Variants in PRKN observed in about 807,000 individuals in gnomAD.
PRKN encodes the protein E3 ubiquitin-protein ligase parkin.
A neutral mutation model predicts 59.5 loss-of-function variants in PRKN; 56 were observed. The observed-to-expected ratio is 0.94, with a 90% confidence interval of 0.76 to 1.18. PRKN has a LOEUF of 1.18. PRKN is among the 50% of genes most tolerant of loss of function. The pLI, the probability that PRKN is intolerant of heterozygous loss-of-function variation, is 0.00. For missense variants in PRKN, 657 were observed against 596.4 expected (o/e 1.10, Z -1.06); for synonymous variants, 250 against 222.1 (o/e 1.13, Z -1.12).
chr6:162,236,356 C>T (rs975101495), intron 3 of PRKN, among the ~76,000 whole-genome samples: 6 of 152,168 alleles, frequency 3.9e-5, no homozygotes, highest in Non-Finnish European at 7.3e-5. Flanking sequence ...CTGACCTCAA[C>T]CCCAGCCAGC....
At chr6:161,439,887 A>G (rs1411545439) in intron 9 of PRKN, among the ~76,000 whole-genome samples, 2 of 152,120 alleles carry the variant, frequency 1.3e-5, no homozygotes, top group Non-Finnish European at 2.9e-5. Flanking sequence ...AGGTCGTCCC[A>G]GTAGAGCTGA....
At position 162,579,092 on chromosome 6, in the gene PRKN, G is replaced by A. The variant is rs113722061; in HGVS notation, c.8-135619C>T. The stretch of plus-strand genomic sequence containing the variant: ...AATCTTATGTTACATATTCTTCTTT[G>A]ACATAGCAAATGAATGTTGAGCCTT... On this transcript the variant is annotated intron_variant, in intron 1 of 11. Transcript: ENST00000366898. Among the ~76,000 whole-genome samples, 265 of 146,006 alleles carry A rather than the reference G, an allele frequency of 1.8e-3. 1 individual carries two copies. The highest frequency in any genetic ancestry group is 2.2e-3 in the Non-Finnish European group (152 of 67,906).
chr6:162,311,481 C>CTTTTTTT (rs397886856), intron 2 of PRKN, among the ~76,000 whole-genome samples: 1 of 128,536 alleles, frequency 7.8e-6, no homozygotes, highest in East Asian at 2.4e-4. Flanking sequence ...AATTTTTTTC[C>CTTTTTTT]TTTTTTTTTT....
chr6:161,387,018 G>T (rs996990326), intron 9 of PRKN, 141 bp from the exon 10 acceptor site: 5 of 736,018 alleles, frequency 6.8e-6, no homozygotes, highest in Non-Finnish European at 1.2e-5. Flanking sequence ...TTTGCAAAGA[G>T]AAATCAAGTT....
chr6:161,368,278 T>A (rs1036222501), intron 10 of PRKN, among the ~76,000 whole-genome samples: 1 of 143,432 alleles, frequency 7.0e-6, no homozygotes, highest in Admixed American at 7.0e-5. Flanking sequence ...TTTATATATA[T>A]GTATATATTT....
Position 161,946,414 on chromosome 6 carries a change from A to ACACACACACACACTCT in PRKN, c.734+26887_734+26888insAGAGTGTGTGTGTGTG, listed in dbSNP as rs1247187053. 2.3e-3 allele frequency among the ~76,000 whole-genome samples: 263 copies of ACACACACACACACTCT among 114,422 alleles called. 2 individuals are homozygous for ACACACACACACACTCT. The highest frequency in any genetic ancestry group is 4.8e-3 in the East Asian group (18 of 3,720). The allele number at this position is 114,422 out of a possible 152,430, so 75.1% of individuals were successfully genotyped here. A position where few individuals can be genotyped will look rare whatever the true frequency, so the allele number is the denominator to read the frequency against. On this transcript the variant is annotated intron_variant, in intron 6 of 11. Coordinates refer to ENST00000366898, the MANE Select transcript of PRKN (RefSeq NM_004562.3). ...CACACACACACACACACACACACAC[A>ACACACACACACACTCT]CTCTCTCTCTCTCTCTCTCTCTCTC...
At chr6:161,365,478 A>C (rs1474810197) in intron 10 of PRKN, among the ~76,000 whole-genome samples, 1 of 152,230 alleles carries the variant, frequency 6.6e-6, no homozygotes, top group African/African-American at 2.4e-5. Context: ...GCCCAAGAGA[A>C]AGATTCAGAG....
At chr6:161,534,846 G>T (rs1779354255) in intron 9 of PRKN, among the ~76,000 whole-genome samples, 1 of 152,128 alleles carries the variant, frequency 6.6e-6, no homozygotes, top group Admixed American at 6.5e-5. Context: ...TTCCCCCTTG[G>T]TGCATGTTTC....
At chr6:162,333,134 C>A (rs1217973806) in intron 2 of PRKN, among the ~76,000 whole-genome samples, 1 of 152,010 alleles carries the variant, frequency 6.6e-6, no homozygotes, top group Non-Finnish European at 1.5e-5. Context: ...GAGAAAGAGA[C>A]CCATATATTC....
At chr6:162,410,718 C>G (rs898807879) in intron 2 of PRKN, among the ~76,000 whole-genome samples, 3 of 152,170 alleles carry the variant, frequency 2.0e-5, no homozygotes. Context: ...CACATTCTTG[C>G]CAACTCTCAT....
chr6:161,686,351 C>G (rs1021757235), intron 7 of PRKN, among the ~76,000 whole-genome samples: 1 of 152,166 alleles, frequency 6.6e-6, no homozygotes, highest in African/African-American at 2.4e-5. Context: ...TACAGAACAT[C>G]TGACTTTCCC....
chr6:162,057,598 TG>T lies in PRKN; in HGVS notation c.535-3425del, dbSNP rs559634599. Among the ~76,000 whole-genome samples the T allele has an allele frequency of 2.6e-5, 4 of 152,308 alleles. No individual in the cohort carries two copies. In the South Asian group the frequency reaches 8.3e-4, roughly 32 times the overall value. On this transcript the variant is annotated intron_variant, in intron 4 of 11. Coordinates refer to ENST00000366898, the MANE Select transcript of PRKN (RefSeq NM_004562.3). Reference sequence around the variant, plus strand: ...TTCTGGCTTAAAGTGAGAAATTCAGTGGAGATAAATGTGGCTAGAATGCAGT... The same window carrying T: ...TTCTGGCTTAAAGTGAGAAATTCAGTGAGATAAATGTGGCTAGAATGCAGT...
chr6:161,556,138 T>A (rs1780229940), intron 8 of PRKN, among the ~76,000 whole-genome samples: 1 of 152,222 alleles, frequency 6.6e-6, no homozygotes, highest in South Asian at 2.1e-4. Context: ...GATGGAATTT[T>A]AAAAATTATG....
At chr6:162,670,466 C>T (rs1004124773) in intron 1 of PRKN, among the ~76,000 whole-genome samples, 4 of 152,182 alleles carry the variant, frequency 2.6e-5, no homozygotes, top group African/African-American at 9.6e-5. Context: ...CTCCAGTCTG[C>T]CTGCAGAACA....
chr6:162,161,349 T>C (rs1282277365), intron 4 of PRKN, among the ~76,000 whole-genome samples: 1 of 152,162 alleles, frequency 6.6e-6, no homozygotes, highest in Admixed American at 6.5e-5. Flanking sequence ...GATGCTCACT[T>C]AATACAGGCA....
At chr6:161,784,681 T>C (rs1421896960) in intron 7 of PRKN, among the ~76,000 whole-genome samples, 5 of 152,144 alleles carry the variant, frequency 3.3e-5, no homozygotes, top group African/African-American at 4.8e-5. Context: ...CTGGTGGCAA[T>C]ATAAAACGGT....
intron 7 of PRKN, among the ~76,000 whole-genome samples, chr6:161,764,106 A>G (rs1789323238): frequency 6.6e-6 from 1 of 152,070 alleles, no homozygotes; most frequent in African/African-American, 2.4e-5. Context: ...TGGTCTCTCC[A>G]TGCTACAGAC....
At chr6:161,823,221 GCCACT>G (rs1227055148) in intron 6 of PRKN, among the ~76,000 whole-genome samples, 1 of 151,928 alleles carries the variant, frequency 6.6e-6, no homozygotes, top group Non-Finnish European at 1.5e-5. Flanking sequence ...GCAGGTGTGA[GCCACT>G]GTGCCCATCC....
intron 1 of PRKN, among the ~76,000 whole-genome samples, chr6:162,591,692 T>C (rs1005130665): frequency 1.3e-5 from 2 of 152,148 alleles, no homozygotes; most frequent in Non-Finnish European, 2.9e-5. Context: ...ATTAAGAATT[T>C]AGGTTAAACT....
Sources: gnomAD v4.1 joint callset for allele counts (sites outside exome capture counted in the v4.1 genomes callset) on GRCh38, gnomAD v4.1.1 for gene constraint, MANE v1.5 for transcripts, NCBI Gene and HGNC (gene_info 2026-07-23, HGNC 2026-07-21) for gene names.